Variants in OR6J1 observed in about 807,000 individuals in gnomAD.
OR6J1 encodes the protein olfactory receptor 6J1.
For missense variants in OR6J1, 304 were observed against 166.8 expected (o/e 1.82, Z -4.53); for synonymous variants, 109 against 70.0 (o/e 1.56, Z -2.78).
intron 1 of OR6J1, among the ~76,000 whole-genome samples, chr14:22,642,101 T>A (rs1458860069): frequency 6.6e-6 from 1 of 152,054 alleles, no homozygotes; most frequent in East Asian, 1.9e-4. Flanking sequence ...GAACCTGTCC[T>A]CACGACCTGC....
At chr14:22,640,957 T>C (rs1423017018) in intron 1 of OR6J1, among the ~76,000 whole-genome samples, 2 of 151,220 alleles carry the variant, frequency 1.3e-5, no homozygotes, top group Non-Finnish European at 3.0e-5. Flanking sequence ...TGACTTAAGG[T>C]CAGGAGTTTG....
rs1473197782 is a variant in OR6J1 at position 22,639,575 on chromosome 14, G to A, written c.-28+4523C>T. Among the ~76,000 whole-genome samples the A allele has an allele frequency of 7.0e-5, 9 of 128,248 alleles. 1 individual carries two copies. The highest frequency in any genetic ancestry group is 4.0e-4 in the East Asian group (2 of 4,944). The allele number at this position is 128,248 out of a possible 152,430, so 84.1% of individuals were successfully genotyped here. ...AAGGTGGGGAAAAGATTGAGAAATC[G>A]GATGGTTGCCGTGTCTGTGTAGAAG... On this transcript the variant is annotated intron_variant, in intron 1 of 1. Transcript: ENST00000540461.
rs71421135 is a variant in OR6J1 at position 22,642,312 on chromosome 14, AATATATATATATATATATATAT to A, written c.-28+1764_-28+1785del. On this transcript the variant is annotated intron_variant, in intron 1 of 1. Transcript: ENST00000540461. ...TGTCCATCACCACAATCAACTTAAG[AATATATATATATATATATATAT>A]ATATATATATATATATATATTTGAG... Among the ~76,000 whole-genome samples the A allele has an allele frequency of 1.5e-3, 167 of 109,096 alleles. 2 individuals carry two copies. Among genetic ancestry groups the A allele is most frequent in the Admixed American group, 3.1e-3 (35 of 11,370 alleles). 71.6% of individuals were successfully genotyped at this position (109,096 alleles called of 152,430 possible).
rs1241024533 is a variant in OR6J1 at position 22,632,230 on chromosome 14, G to A, written c.*1538C>T. 1 of 152,228 alleles carries A rather than the reference G, an allele frequency of 6.6e-6. No homozygotes were observed. Among genetic ancestry groups the A allele is most frequent in the Non-Finnish European group, 1.5e-5 (1 of 68,082 alleles). 9.4% of individuals were successfully genotyped at this position (152,228 alleles called of 1,614,324 possible). Reference sequence around the variant, plus strand: ...AGAGTGGGTCCAAGTAAGCATCCCAGACAGTGTTTGGGCACCAAGAATTCA... The same window carrying A: ...AGAGTGGGTCCAAGTAAGCATCCCAAACAGTGTTTGGGCACCAAGAATTCA... On this transcript the variant is annotated 3_prime_UTR_variant, in exon 2 of 2. Transcript: ENST00000540461.
At chr14:22,638,794 A>C (rs1594902920) in intron 1 of OR6J1, among the ~76,000 whole-genome samples, 1 of 144,380 alleles carries the variant, frequency 6.9e-6, no homozygotes, top group African/African-American at 2.7e-5. Context: ...TTACACTGCT[A>C]GGTGAGGAGC....
At chr14:22,635,697 A>C (rs1267093072) in intron 1 of OR6J1, among the ~76,000 whole-genome samples, 1 of 152,238 alleles carries the variant, frequency 6.6e-6, no homozygotes, top group East Asian at 1.9e-4. Context: ...TGGAACAGTG[A>C]TATGTGTCAG....
rs149180484 is a variant in OR6J1 at position 22,642,585 on chromosome 14, G to A, written c.-28+1513C>T. Among the ~76,000 whole-genome samples, 1,131 of 151,614 alleles carry A rather than the reference G, an allele frequency of 7.5e-3. 14 individuals carry two copies. The highest frequency in any genetic ancestry group is 0.026 in the African/African-American group (1,057 of 41,296). ...CAACTCCTGACCTCATGATCTTCCC[G>A]CCTTGACCTCCCAAAGTGCTGGGAT... On this transcript the variant is annotated intron_variant, in intron 1 of 1. Coordinates refer to ENST00000540461, the MANE Select transcript of OR6J1 (RefSeq NM_001348233.2).
intron 1 of OR6J1, among the ~76,000 whole-genome samples, chr14:22,639,367 G>A (rs1251785418): frequency 1.8e-4 from 23 of 125,464 alleles, no homozygotes; most frequent in African/African-American, 6.9e-4. Context: ...AGATGGGGGG[G>A]TCAGCCCCCC....
chr14:22,638,467 G>A (rs1366332793), intron 1 of OR6J1, among the ~76,000 whole-genome samples: 1 of 86,514 alleles, frequency 1.2e-5, no homozygotes, highest in Admixed American at 1.0e-4. Flanking sequence ...TGCTCGTTAA[G>A]AGTCATCACC....
At position 22,637,045 on chromosome 14, in the gene OR6J1, G is replaced by A. The variant is rs372200102; in HGVS notation, c.-27-2207C>T. ...CCCGGCCGCCCATGTCTGAGATGTG[G>A]GGAGCACCTCTGCCCCGCCGCCCTG... On this transcript the variant is annotated intron_variant, in intron 1 of 1. Transcript: ENST00000540461. Among the ~76,000 whole-genome samples, 2 of 122,814 alleles carry A rather than the reference G, an allele frequency of 1.6e-5. 1 individual carries two copies. Among genetic ancestry groups the A allele is most frequent in the Non-Finnish European group, 3.3e-5 (2 of 61,496 alleles). 80.6% of individuals were successfully genotyped at this position (122,814 alleles called of 152,430 possible). A position where few individuals can be genotyped will look rare whatever the true frequency, so the allele number is the denominator to read the frequency against.
Position 22,634,468 on chromosome 14 carries a change from G to C in OR6J1, c.344C>G (p.Thr115Arg). The C allele has an allele frequency of 1.4e-6, 1 of 703,314 alleles. No individual in the cohort carries two copies. Among genetic ancestry groups the C allele is most frequent in the Non-Finnish European group, 2.6e-6 (1 of 384,934 alleles). 43.6% of individuals were successfully genotyped at this position (703,314 alleles called of 1,614,324 possible). Residue 115 changes from threonine to arginine, a missense_variant, in exon 2 of 2, where the codon ACG (threonine) becomes AGG (arginine). Coordinates refer to ENST00000540461, the MANE Select transcript of OR6J1 (RefSeq NM_001348233.2). Reference sequence around the variant, plus strand: ...GGCATAACGGTCATAGGACATGACCGTCAGCAGGAGGAACTCAACTGTGCC... The same window carrying C: ...GGCATAACGGTCATAGGACATGACCCTCAGCAGGAGGAACTCAACTGTGCC... ...FLGTVEFLLLTVMSYDRYATI... is the reference protein window; with the variant it reads ...FLGTVEFLLLRVMSYDRYATI...
rs2037556013 is a variant in OR6J1 at position 22,632,887 on chromosome 14, TTC to T, written c.*879_*880del. On this transcript the variant is annotated 3_prime_UTR_variant, in exon 2 of 2. Transcript: ENST00000540461. ...TGTTTTTCTCTATACATCAACTGCA[TTC>T]TCTCTGAGGGGCAGACTGGTTTCCT... 1 of 152,208 alleles carries T rather than the reference TTC, an allele frequency of 6.6e-6. No homozygotes were observed. Among genetic ancestry groups the T allele is most frequent in the East Asian group, 1.9e-4 (1 of 5,198 alleles). The allele number at this position is 152,208 out of a possible 1,614,324, so 9.4% of individuals were successfully genotyped here.
At chr14:22,639,401 G>A (rs1594903192) in intron 1 of OR6J1, among the ~76,000 whole-genome samples, 1 of 131,330 alleles carries the variant, frequency 7.6e-6, no homozygotes, top group Middle Eastern at 3.7e-3. Context: ...CCCCGTCCGG[G>A]AGGTGAGGGG....
intron 1 of OR6J1, among the ~76,000 whole-genome samples, chr14:22,636,857 G>T (rs1295763252): frequency 1.7e-5 from 2 of 116,962 alleles, no homozygotes; most frequent in East Asian, 4.5e-4. Flanking sequence ...AGTGAGGAGC[G>T]TCTCTGCTTG....
intron 1 of OR6J1, among the ~76,000 whole-genome samples, chr14:22,643,786 GAGAGAGAGAGAGAC>G (rs2037670728): frequency 6.6e-6 from 1 of 150,428 alleles, no homozygotes; most frequent in African/African-American, 2.5e-5. Context: ...GAGAGAGAGA[GAGAGAGAGAGAGAC>G]AGCAGTTACT....
At chr14:22,637,552 T>C (rs1360174177) in intron 1 of OR6J1, among the ~76,000 whole-genome samples, 160 of 13,380 alleles carry the variant, frequency 0.012, no homozygotes, top group Non-Finnish European at 0.016. Context: ...GTCAGCCCCC[T>C]GCCCGGCCAG....
chr14:22,635,342 C>T (rs1392593102), intron 1 of OR6J1, among the ~76,000 whole-genome samples: 1 of 152,070 alleles, frequency 6.6e-6, no homozygotes, highest in Non-Finnish European at 1.5e-5. Context: ...TTTACAGTAA[C>T]ATATAAATGA....
At chr14:22,643,796 G>GAGAA (rs1450179581) in intron 1 of OR6J1, among the ~76,000 whole-genome samples, 37 of 147,374 alleles carry the variant, frequency 2.5e-4, no homozygotes, top group African/African-American at 9.8e-4. Context: ...GAGAGAGAGA[G>GAGAA]AGACAGCAGT....
chr14:22,639,195 G>A (rs1385199000), intron 1 of OR6J1, among the ~76,000 whole-genome samples: 9 of 116,938 alleles, frequency 7.7e-5, no homozygotes, highest in South Asian at 7.2e-4. Flanking sequence ...AGTGAGGAGC[G>A]TCTCCGCCCG....
Sources: allele counts gnomAD v4.1 joint callset (sites outside exome capture counted in the v4.1 genomes callset), GRCh38; gene constraint gnomAD v4.1.1; transcripts MANE v1.5; gene names NCBI Gene and HGNC (gene_info 2026-07-23, HGNC 2026-07-21).